Variants in PHEX observed in about 807,000 individuals in gnomAD.
PHEX encodes phosphate-regulating neutral endopeptidase PHEX.
Under a neutral mutation model 68.0 loss-of-function variants are expected in PHEX, and 16 were observed. That is an observed-to-expected ratio of 0.24 (90% CI 0.16 to 0.36). PHEX has a LOEUF of 0.36. Ranked by LOEUF, PHEX falls within the 10% of genes least tolerant of loss-of-function variation. The pLI is 1.00. For missense variants in PHEX, 480 were observed against 575.5 expected (o/e 0.83, Z 1.70); for synonymous variants, 208 against 205.1 (o/e 1.01, Z -0.12).
At chrX:22,209,736 C>T (rs866354647) in intron 15 of PHEX, among the ~76,000 whole-genome samples, 15 of 73,509 alleles carry the variant, frequency 2.0e-4, no homozygotes, top group Non-Finnish European at 2.6e-4. Context: ...GCTCCCTCTG[C>T]TCCCTCTGCT....
chrX:22,042,159 A>G (rs1050421289), intron 2 of PHEX, among the ~76,000 whole-genome samples: 7 of 111,573 alleles, frequency 6.3e-5, no homozygotes, highest in Non-Finnish European at 1.3e-4. Flanking sequence ...TCAGAAGACT[A>G]GAGTGTTTGA....
intron 1 of PHEX, among the ~76,000 whole-genome samples, chrX:22,036,050 A>ATTT (rs1476296465): frequency 5.2e-5 from 3 of 57,518 alleles, no homozygotes; most frequent in African/African-American, 1.5e-4. Flanking sequence ...ATATATATAT[A>ATTT]TATATTTTTT....
chrX:22,058,992 A>G (rs1420585563), intron 3 of PHEX, among the ~76,000 whole-genome samples: 1 of 111,527 alleles, frequency 9.0e-6, no homozygotes, highest in Non-Finnish European at 1.9e-5. Context: ...TTTAGTAGAG[A>G]CAGGGTTTCA....
At chrX:22,105,650 T>C (rs1351448843) in intron 9 of PHEX, among the ~76,000 whole-genome samples, 2 of 111,963 alleles carry the variant, frequency 1.8e-5, no homozygotes, top group East Asian at 5.6e-4. Flanking sequence ...AAAACCCAGA[T>C]GTTAGTCCTG....
chrX:22,224,901 CT>C (rs1935395354), intron 18 of PHEX, among the ~76,000 whole-genome samples: 1 of 5,290 alleles, frequency 1.9e-4, no homozygotes, highest in Non-Finnish European at 5.1e-4. Flanking sequence ...TTTTCTGTTG[CT>C]TGCTATAACA....
At chrX:22,224,947 A>AATTATCATACTGCGCTGTATGATTT (rs1935399296) in intron 18 of PHEX, among the ~76,000 whole-genome samples, 1 of 23,247 alleles carries the variant, frequency 4.3e-5, no homozygotes, top group African/African-American at 1.7e-4. Context: ...AAATAACATA[A>AATTATCATACTGCGCTGTATGATTT]ATTATCATAC....
intron 1 of PHEX, among the ~76,000 whole-genome samples, chrX:22,037,259 T>C (rs1353705873): frequency 9.0e-6 from 1 of 110,582 alleles, no homozygotes; most frequent in Non-Finnish European, 1.9e-5. Flanking sequence ...TAATAAATAA[T>C]AAAAACTCGC....
At chrX:22,110,014 G>A (rs964860302) in intron 9 of PHEX, among the ~76,000 whole-genome samples, 3 of 111,711 alleles carry the variant, frequency 2.7e-5, no homozygotes, top group Non-Finnish European at 5.6e-5. Context: ...GTGACTTGTC[G>A]AAACTCACAT....
At chrX:22,230,124 C>T (rs1489185825) in intron 20 of PHEX, among the ~76,000 whole-genome samples, 1 of 109,691 alleles carries the variant, frequency 9.1e-6, no homozygotes, top group Non-Finnish European at 1.9e-5. Context: ...GTACCAGCAC[C>T]ATGCTGTTTT....
At chrX:22,115,947 A>G (rs1385462667) in intron 11 of PHEX, among the ~76,000 whole-genome samples, 1 of 112,116 alleles carries the variant, frequency 8.9e-6, no homozygotes, top group Non-Finnish European at 1.9e-5. Flanking sequence ...CCATATACTG[A>G]TTTTACTTAC....
At chrX:22,199,052 G>C (rs1460864730) in intron 15 of PHEX, among the ~76,000 whole-genome samples, 1 of 111,444 alleles carries the variant, frequency 9.0e-6, no homozygotes, top group African/African-American at 3.3e-5. Context: ...GGAACAACCT[G>C]CCCCTATGAT....
chrX:22,212,874 A>C, intron 15 of PHEX, 30 bp from the exon 16 acceptor site: 1 of 1,122,610 alleles, frequency 8.9e-7, no homozygotes, highest in Non-Finnish European at 1.2e-6. Context: ...CAATCTCTCT[A>C]TATCTCTTAA....
intron 11 of PHEX, among the ~76,000 whole-genome samples, chrX:22,120,859 A>AT (rs1356709141): frequency 8.9e-6 from 1 of 111,735 alleles, no homozygotes; most frequent in African/African-American, 3.2e-5. Flanking sequence ...CATCAAAGAA[A>AT]TTTTTTTTCT....
chrX:22,088,354 A>T (rs1335770813), intron 5 of PHEX, among the ~76,000 whole-genome samples: 1 of 111,505 alleles, frequency 9.0e-6, no homozygotes, highest in Non-Finnish European at 1.9e-5. Context: ...TCTTGTGTAA[A>T]TGTATGTTGA....
intron 16 of PHEX, among the ~76,000 whole-genome samples, chrX:22,215,024 A>ATAAT (rs1289764843): frequency 8.9e-6 from 1 of 111,746 alleles, no homozygotes; most frequent in Non-Finnish European, 1.9e-5. Flanking sequence ...AAAAAGTCCT[A>ATAAT]TAATTCTTTG....
rs759110019 is a variant in PHEX, at chrX:22,033,078, G to A, written c.73G>A (p.Val25Met). The change falls in exon 1 of 22, where the codon GTG becomes ATG. Residue 25 changes from valine to methionine, a missense_variant. By Grantham distance (21) the Val-to-Met change is conservative (BLOSUM62 1). Coordinates refer to ENST00000379374, the MANE Select transcript of PHEX (RefSeq NM_000444.6). ...CAGAGGCACTCGAATTGCCCTGGTC[G>A]TGTTTGTCGGTGGCACCCTAGTTCT... is the stretch of plus-strand genomic sequence containing the variant. The part of the protein sequence containing the change: ...ANRGTRIALV[V>M]FVGGTLVLGT... The A allele has an allele frequency of 1.7e-5, 21 of 1,206,850 alleles. No individual in the cohort carries two copies. In the African/African-American group the frequency reaches 2.5e-4, roughly 14 times the overall value.
intron 13 of PHEX, among the ~76,000 whole-genome samples, chrX:22,176,397 AAAAAAATATATATATAT>A (rs1328185308): frequency 0.014 from 1,052 of 75,759 alleles, 17 homozygotes; most frequent in African/African-American, 0.075. Context: ...AAAAAAAAAA[AAAAAAATATATATATAT>A]ATATATATAT....
intron 3 of PHEX, among the ~76,000 whole-genome samples, chrX:22,075,514 C>G (rs1465183648): frequency 1.8e-5 from 2 of 110,801 alleles, no homozygotes; most frequent in African/African-American, 6.6e-5. Flanking sequence ...AGGCAGTGCC[C>G]TGGTGCTGCA....
intron 19 of PHEX, among the ~76,000 whole-genome samples, chrX:22,226,986 TAAG>T (rs1191678658): frequency 1.8e-5 from 2 of 112,160 alleles, no homozygotes; most frequent in South Asian, 7.4e-4. Flanking sequence ...TGTGGTCAAA[TAAG>T]AAGCATAAAG....
Sources: gnomAD v4.1 joint callset for allele counts (sites outside exome capture counted in the v4.1 genomes callset) on GRCh38, gnomAD v4.1.1 for gene constraint, MANE v1.5 for transcripts, NCBI Gene and HGNC (gene_info 2026-07-23, HGNC 2026-07-21) for gene names.